Variants in HACL2 observed in about 807,000 individuals in gnomAD.
The protein encoded by HACL2 is 2-hydroxyacyl-CoA lyase 1 like.
At chr19:15,115,282 C>T in the HACL2 span, 12 of 1,614,038 alleles carry the variant, frequency 7.4e-6, no homozygotes, top group Admixed American at 1.2e-4. Flanking sequence ...CGCGGAAGTC[C>T]GTCCTCCCAA....
the HACL2 span, chr19:15,125,115 C>A: frequency 1.4e-6 from 2 of 1,467,104 alleles, no homozygotes; most frequent in African/African-American, 1.4e-5. Flanking sequence ...GACAGGGAAC[C>A]TCTCCGGAAG....
chr19:15,120,384 C>G, the HACL2 span, among the ~76,000 whole-genome samples: 1 of 152,250 alleles, frequency 6.6e-6, no homozygotes, highest in Non-Finnish European at 1.5e-5. Flanking sequence ...AGTCCTGGCT[C>G]TGTCACTTCC....
At chr19:15,119,189 T>G in the HACL2 span, 1 of 1,583,502 alleles carries the variant, frequency 6.3e-7, no homozygotes, top group South Asian at 1.2e-5. Context: ...GACATCCGCC[T>G]TCTTCAGGGC....
the HACL2 span, chr19:15,123,307 C>T: frequency 6.2e-7 from 1 of 1,605,160 alleles, no homozygotes; most frequent in Non-Finnish European, 8.5e-7. The surrounding 1 kb of genome is among the most constrained non-coding windows in gnomAD (Gnocchi z 5.1). Flanking sequence ...CTCTGAAAAA[C>T]CCCTACCCTC....
chr19:15,122,816 G>A, the HACL2 span: 1 of 1,613,994 alleles, frequency 6.2e-7, no homozygotes. The surrounding 1 kb of genome is among the most constrained non-coding windows in gnomAD (Gnocchi z 4.0). Context: ...TGCAGGGACA[G>A]GGAGGACGCT....
chr19:15,116,441 C>T, the HACL2 span: 36 of 1,613,898 alleles, frequency 2.2e-5, no homozygotes, highest in South Asian at 4.4e-5. Flanking sequence ...GTCGGCTTCC[C>T]GCAGCTCCTC....
the HACL2 span, chr19:15,125,744 C>T: frequency 6.6e-6 from 1 of 152,302 alleles, no homozygotes. Flanking sequence ...CCCGGGTGGC[C>T]CACTTGGCTC....
At chr19:15,115,264 G>C in the HACL2 span, 20 of 1,614,142 alleles carry the variant, frequency 1.2e-5, no homozygotes, top group South Asian at 2.0e-4. Context: ...ATACAGCAAT[G>C]GAGCCATCGC....
At chr19:15,122,677 G>C in the HACL2 span, 6 of 1,600,574 alleles carry the variant, frequency 3.7e-6, no homozygotes, top group Middle Eastern at 6.7e-4. The surrounding 1 kb of genome is among the most constrained non-coding windows in gnomAD (Gnocchi z 4.0). Flanking sequence ...GGAATGGCAG[G>C]GGTGGGGCTA....
At chr19:15,123,362 G>A in the HACL2 span, 30 of 1,611,764 alleles carry the variant, frequency 1.9e-5, no homozygotes, top group Non-Finnish European at 2.4e-5. The surrounding 1 kb of genome is among the most constrained non-coding windows in gnomAD (Gnocchi z 5.1). Context: ...AGCCCTCTCT[G>A]CAATGCCCTC....
chr19:15,117,724 G>GTT, the HACL2 span: 2 of 704,514 alleles, frequency 2.8e-6, no homozygotes, highest in Non-Finnish European at 4.7e-6. Context: ...GCATTCATCA[G>GTT]TTTGAGAGCC....
the HACL2 span, chr19:15,115,248 G>A: frequency 6.2e-7 from 1 of 1,614,062 alleles, no homozygotes; most frequent in Non-Finnish European, 8.5e-7. Flanking sequence ...TGACCCACAA[G>A]GCCCTATACA....
At chr19:15,122,580 C>G in the HACL2 span, 4 of 869,132 alleles carry the variant, frequency 4.6e-6, no homozygotes, top group Non-Finnish European at 7.4e-6. This position sits in a 1 kb window ranked among gnomAD's most constrained non-coding sequence, Gnocchi z 4.0. Context: ...ATGCTCTCCC[C>G]CCAGCTGTCT....
At chr19:15,119,393 CAAGGGCAG>C in the HACL2 span, 4 of 1,613,452 alleles carry the variant, frequency 2.5e-6, no homozygotes, top group East Asian at 8.9e-5. Context: ...AACGTGAAAA[CAAGGGCAG>C]GGCTGGCGCT....
At chr19:15,119,756 G>A in the HACL2 span, among the ~76,000 whole-genome samples, 1 of 152,092 alleles carries the variant, frequency 6.6e-6, no homozygotes, top group Non-Finnish European at 1.5e-5. Flanking sequence ...TCACCATGTT[G>A]GCCAGGCTAG....
chr19:15,121,113 G>A, the HACL2 span, among the ~76,000 whole-genome samples: 1 of 152,190 alleles, frequency 6.6e-6, no homozygotes, highest in East Asian at 1.9e-4. Flanking sequence ...ACAAAAATTA[G>A]CTGGGTATGG....
At chr19:15,114,989 C>T in the HACL2 span, 2 of 569,594 alleles carry the variant, frequency 3.5e-6, no homozygotes, top group South Asian at 4.0e-5. Context: ...AGACTGAGTA[C>T]TTGGGCCTAC....
the HACL2 span, chr19:15,117,765 C>G: frequency 8.4e-7 from 1 of 1,188,408 alleles, no homozygotes; most frequent in Non-Finnish European, 1.2e-6. Flanking sequence ...CTGGCTACCC[C>G]TAGGGCAAGG....
At chr19:15,124,814 C>T in the HACL2 span, 1 of 1,395,248 alleles carries the variant, frequency 7.2e-7, no homozygotes, top group African/African-American at 1.4e-5. Context: ...TCCCTCTGGA[C>T]TAGTCGGGGC....
Sources: gnomAD v4.1 joint callset for allele counts (sites outside exome capture counted in the v4.1 genomes callset) on GRCh38, gnomAD v4.1.1 for gene constraint, Gnocchi (gnomAD v3.1) non-coding constraint, MANE v1.5 for transcripts, NCBI Gene and HGNC (gene_info 2026-07-23, HGNC 2026-07-21) for gene names.